Variants in AKAP1 observed in about 807,000 individuals in gnomAD.
AKAP1 encodes A-kinase anchoring protein 1.
AKAP1 carries 32 observed loss-of-function variants against 79.8 expected under a neutral mutation model. That is an observed-to-expected ratio of 0.40 (90% confidence interval 0.30 to 0.54). AKAP1 has a LOEUF of 0.54. Among genes scored for constraint, AKAP1 ranks in the 20% least tolerant of loss-of-function variants. The probability of loss-of-function intolerance (pLI) is 0.47; values close to 1 mark genes in which losing one functional copy is unlikely to be tolerated. For missense variants in AKAP1, 961 were observed against 1,138.9 expected (o/e 0.84, Z 2.25); for synonymous variants, 416 against 466.7 (o/e 0.89, Z 1.40).
intron 2 of AKAP1, among the ~76,000 whole-genome samples, chr17:57,108,388 T>TA (rs1485728147): frequency 6.6e-6 from 1 of 152,248 alleles, no homozygotes; most frequent in African/African-American, 2.4e-5. Context: ...AAATGTTTCT[T>TA]AAAATACTGC....
chr17:57,085,465 T>TG (rs1241519881), intron 1 of AKAP1, 67 bp downstream of exon 1: 2 of 152,042 alleles, frequency 1.3e-5, no homozygotes. Context: ...GTCGGGGCGA[T>TG]GGGGAGCCTG....
At chr17:57,085,815 G>T (rs1299430446) in intron 1 of AKAP1, 1 of 152,626 alleles carries the variant, frequency 6.6e-6, no homozygotes, top group Non-Finnish European at 1.5e-5. Flanking sequence ...AGGCTGACCC[G>T]AGCGCGTCCC....
At chr17:57,088,087 C>A (rs1431784705) in intron 1 of AKAP1, among the ~76,000 whole-genome samples, 1 of 152,204 alleles carries the variant, frequency 6.6e-6, no homozygotes, top group African/African-American at 2.4e-5. Context: ...CCATTGAAAT[C>A]ATCTCATATA....
At chr17:57,087,739 C>T (rs1913547816) in intron 1 of AKAP1, among the ~76,000 whole-genome samples, 1 of 152,190 alleles carries the variant, frequency 6.6e-6, no homozygotes, top group African/African-American at 2.4e-5. Context: ...GACCCAGAAG[C>T]TTGTTTGGGA....
chr17:57,119,128 C>T (rs986971660), intron 10 of AKAP1, 84 bp downstream of exon 10: 284 of 1,449,432 alleles, frequency 2.0e-4, no homozygotes, highest in Non-Finnish European at 2.5e-4. Flanking sequence ...TTTGTTTCCT[C>T]TTGAGTTAAT....
At chr17:57,104,285 TG>T (rs1229705676) in intron 1 of AKAP1, among the ~76,000 whole-genome samples, 1 of 152,186 alleles carries the variant, frequency 6.6e-6, no homozygotes, top group Non-Finnish European at 1.5e-5. Context: ...CTTTTCATCC[TG>T]TTCCCAGAAT....
At chr17:57,115,527 G>C (rs75886956) in intron 6 of AKAP1, among the ~76,000 whole-genome samples, 5,448 of 152,204 alleles carry the variant, frequency 0.036, 305 homozygotes, top group African/African-American at 0.12. Flanking sequence ...TCCTGGTCTC[G>C]TCTGCCTCTG....
chr17:57,100,435 A>ACACACACACACACACACG (rs1299600140), intron 1 of AKAP1, among the ~76,000 whole-genome samples: 2 of 148,192 alleles, frequency 1.3e-5, no homozygotes, highest in African/African-American at 2.4e-5. Context: ...TAAAACACAC[A>ACACACACACACACACACG]CACACACACA....
At chr17:57,100,707 G>A (rs1430178834) in intron 1 of AKAP1, among the ~76,000 whole-genome samples, 2 of 152,196 alleles carry the variant, frequency 1.3e-5, no homozygotes, top group African/African-American at 2.4e-5. Context: ...CATGTGCCCT[G>A]TTAGGTAGGA....
chr17:57,105,204 G>A (rs922704124), intron 1 of AKAP1, among the ~76,000 whole-genome samples: 2 of 152,216 alleles, frequency 1.3e-5, no homozygotes, highest in African/African-American at 4.8e-5. Flanking sequence ...TGTTTCAAGA[G>A]GGTGCGTGAG....
rs753083508 is a variant in AKAP1, at chr17:57,105,651, G to A, written c.187G>A (p.Val63Ile). 99 of 1,614,016 alleles carry A rather than the reference G, an allele frequency of 6.1e-5. No homozygotes were observed. The highest frequency in any genetic ancestry group is 2.0e-4 in the Admixed American group (12 of 60,000). ...CAAGGAACCTCTCCCCGTGGAAGACGTCTGTCCCAAAGTAGTGTCCACACC... is the reference window on the plus strand; with the variant it reads ...CAAGGAACCTCTCCCCGTGGAAGACATCTGTCCCAAAGTAGTGTCCACACC... ...AIKEPLPVED[V>I]CPKVVSTPPS... The change falls in exon 2 of 11, where the codon GTC becomes ATC. Residue 63 changes from valine to isoleucine, a missense_variant. Transcript: ENST00000337714.
At chr17:57,116,697 G>A (rs1053548718) in intron 7 of AKAP1, among the ~76,000 whole-genome samples, 163 bp from the exon 8 acceptor site, 2 of 152,216 alleles carry the variant, frequency 1.3e-5, no homozygotes, top group African/African-American at 4.8e-5. Flanking sequence ...GGGTCGGCTG[G>A]CTGTGTTTGG....
At chr17:57,112,353 A>G (rs1915300578) in intron 4 of AKAP1, 138 bp from the exon 5 acceptor site, 1 of 999,032 alleles carries the variant, frequency 1.0e-6, no homozygotes, top group Non-Finnish European at 1.5e-6. Context: ...GCAGAGCTTA[A>G]GTGTTTTGTT....
Position 57,105,972 on chromosome 17 carries a change from C to G in AKAP1, c.508C>G (p.Pro170Ala). 1 of 1,614,228 alleles carries G rather than the reference C, an allele frequency of 6.2e-7. No homozygotes were observed. Among genetic ancestry groups the G allele is most frequent in the Non-Finnish European group, 8.5e-7 (1 of 1,180,044 alleles). Residue 170 changes from proline (P) to alanine (A), a missense_variant, in exon 2 of 11, where the codon CCC (proline) becomes GCC (alanine). Physicochemically the swap from Pro to Ala is conservative, Grantham distance 27 (BLOSUM62 -1). Transcript: ENST00000337714. ...KSAEVCKQDS[P>A]FSRVPRKVQP... ...AGCTGAGGTGTGTAAGCAAGATTCC[C>G]CCTTCAGCAGGGTGCCAAGGAAGGT...
intron 1 of AKAP1, among the ~76,000 whole-genome samples, chr17:57,104,503 A>C (rs1251653334): frequency 6.6e-6 from 1 of 152,216 alleles, no homozygotes; most frequent in Non-Finnish European, 1.5e-5. Context: ...AAATAAATAC[A>C]TCTAATGCAC....
intron 1 of AKAP1, among the ~76,000 whole-genome samples, chr17:57,100,269 G>C (rs1045065415): frequency 2.0e-5 from 3 of 152,150 alleles, no homozygotes; most frequent in Non-Finnish European, 4.4e-5. Context: ...GGATTGCCTA[G>C]TTAATAAGGA....
chr17:57,087,635 C>G (rs937179671), intron 1 of AKAP1, among the ~76,000 whole-genome samples: 1 of 152,208 alleles, frequency 6.6e-6, no homozygotes, highest in Non-Finnish European at 1.5e-5. Context: ...CTCTTCCCCT[C>G]TCCTCCCTGA....
intron 1 of AKAP1, among the ~76,000 whole-genome samples, chr17:57,088,125 T>TG (rs1388043511): frequency 6.6e-6 from 1 of 152,140 alleles, no homozygotes; most frequent in African/African-American, 2.4e-5. Flanking sequence ...ATCTTTATGG[T>TG]GGGGGGTGTA....
rs770497767 is a variant in AKAP1 at position 57,116,849 on chromosome 17, T to C, written c.2433-11T>C. On this transcript the variant is annotated splice_polypyrimidine_tract_variant and intron_variant, in intron 7 of 10. Transcript: ENST00000337714. ...GTCCACATTAAACTTGTTCCTTTCT[T>C]GCCTTCCCAGGTCTGACTTTGTCAC... is the stretch of plus-strand genomic sequence containing the variant. 1.2e-5 allele frequency: 20 copies of C among 1,613,960 alleles called. No individual in the cohort carries two copies. The highest frequency in any genetic ancestry group is 1.7e-5 in the Non-Finnish European group (20 of 1,179,854).
Sources: gnomAD v4.1 joint callset for allele counts (sites outside exome capture counted in the v4.1 genomes callset) on GRCh38, gnomAD v4.1.1 for gene constraint, MANE v1.5 for transcripts, NCBI Gene and HGNC (gene_info 2026-07-23, HGNC 2026-07-21) for gene names.